The following IRAK1BP1 variants were observed in gnomAD, a reference collection of about 807,000 sequenced individuals.
The protein encoded by IRAK1BP1 is interleukin 1 receptor associated kinase 1 binding protein 1, also known as interleukin-1 receptor-associated kinase 1-binding protein 1.
IRAK1BP1 carries 24 observed loss-of-function variants against 28.0 expected under a neutral mutation model. The ratio of observed to expected loss-of-function variants is 0.86; its 90% CI spans 0.62 to 1.20. The LOEUF is 1.20. Ranked by LOEUF, IRAK1BP1 falls within the 50% of genes most tolerant of loss-of-function variation. The probability of loss-of-function intolerance (pLI) is 0.00; values close to 1 mark genes in which losing one functional copy is unlikely to be tolerated. For missense variants in IRAK1BP1, 336 were observed against 316.7 expected (o/e 1.06, Z -0.46); for synonymous variants, 131 against 116.3 (o/e 1.13, Z -0.81).
intron 4 of IRAK1BP1, chr6:78,940,842 G>T (rs1554193405): frequency 1.9e-6 from 3 of 1,613,818 alleles, no homozygotes; most frequent in Non-Finnish European, 1.7e-6. Context: ...GCTGTCCTTC[G>T]ACCTTGATTT....
chr6:78,902,449 A>T lies in IRAK1BP1; in HGVS notation c.*4115A>T, dbSNP rs1192829742. 6.5e-6 allele frequency: 1 copy of T among 153,256 alleles called. No individual in the cohort carries two copies. Among genetic ancestry groups the T allele is most frequent in the Non-Finnish European group, 1.5e-5 (1 of 68,772 alleles). 9.5% of individuals were successfully genotyped at this position (153,256 alleles called of 1,614,324 possible). A position where few individuals can be genotyped will look rare whatever the true frequency, so the allele number is the denominator to read the frequency against. ...ACCCAGCCCCAAATAGCTTCTACTC[A>T]TAACCTAGTGTGGCCTAAATTTATT... On this transcript the variant is annotated 3_prime_UTR_variant, in exon 4 of 4. Coordinates refer to ENST00000369940, the MANE Select transcript of IRAK1BP1 (RefSeq NM_001010844.4).
At chr6:78,927,483 G>T (rs1772921648) in intron 4 of IRAK1BP1, among the ~76,000 whole-genome samples, 1 of 152,008 alleles carries the variant, frequency 6.6e-6, no homozygotes, top group Non-Finnish European at 1.5e-5. Flanking sequence ...CCATTCTGTG[G>T]GTTGTCTCTT....
chr6:78,974,022 A>G, the IRAK1BP1 span, among the ~76,000 whole-genome samples: 6 of 152,198 alleles, frequency 3.9e-5, no homozygotes, highest in Non-Finnish European at 8.8e-5. Context: ...TGCACCAAGC[A>G]GACCTAATAG....
the IRAK1BP1 span, among the ~76,000 whole-genome samples, chr6:78,952,428 G>GAAAAAAAAAAAA: frequency 3.7e-4 from 21 of 56,432 alleles, no homozygotes; most frequent in East Asian, 1.0e-3. Context: ...AAAAAAAAAA[G>GAAAAAAAAAAAA]AAAAAAAAAA....
At chr6:78,946,584 G>T, downstream of IRAK1BP1, 1 of 1,412,346 alleles carries the variant, frequency 7.1e-7, no homozygotes. Flanking sequence ...CACATCATAG[G>T]AACTTGCATG....
intron 2 of IRAK1BP1, among the ~76,000 whole-genome samples, chr6:78,889,829 A>T (rs1771570894): frequency 6.6e-6 from 1 of 152,100 alleles, no homozygotes; most frequent in African/African-American, 2.4e-5. Flanking sequence ...GTGGGAGGGT[A>T]AATTAGTTCA....
rs536885699 is a variant in IRAK1BP1 at position 78,899,721 on chromosome 6, G to A, written c.*1387G>A. On this transcript the variant is annotated 3_prime_UTR_variant, in exon 4 of 4. Transcript: ENST00000369940. The stretch of plus-strand genomic sequence containing the variant: ...GCCTCCCAAGTAGCTGGGATTACAG[G>A]CGTGAGCCACTGCATCTGGCCCTGT... The A allele has an allele frequency of 1.1e-4, 16 of 152,244 alleles. No homozygotes were observed. The East Asian group carries it at 2.9e-3, about 28-fold the overall frequency. 9.4% of individuals were successfully genotyped at this position (152,244 alleles called of 1,614,324 possible). A position where few individuals can be genotyped will look rare whatever the true frequency, so the allele number is the denominator to read the frequency against.
chr6:78,922,622 C>T (rs1772769393), intron 4 of IRAK1BP1, among the ~76,000 whole-genome samples: 1 of 152,180 alleles, frequency 6.6e-6, no homozygotes, highest in Non-Finnish European at 1.5e-5. Flanking sequence ...ACATAATTGT[C>T]AGATTCACCA....
rs543631341 is a variant in IRAK1BP1, at chr6:78,942,202, G to T, written c.*68-3206G>T. On this transcript the variant is annotated intron_variant and NMD_transcript_variant, in intron 4 of 4. Transcript: ENST00000606868. Reference sequence around the variant, plus strand: ...TTTGTAAATAAGAAAATCATGGTTGGTCGGGTGCAGTGGCTCACGATTATA... The same window carrying T: ...TTTGTAAATAAGAAAATCATGGTTGTTCGGGTGCAGTGGCTCACGATTATA... 7.2e-5 allele frequency among the ~76,000 whole-genome samples: 11 copies of T among 152,346 alleles called. 1 individual carries two copies. The South Asian group carries it at 2.3e-3, about 32-fold the overall frequency.
In IRAK1BP1 at chr6:78,932,067, C is replaced by T. The variant is rs113737419; in HGVS notation, c.*68-13341C>T. 4.9e-4 allele frequency among the ~76,000 whole-genome samples: 75 copies of T among 152,300 alleles called. 1 individual carries two copies. The highest frequency in any genetic ancestry group is 1.7e-3 in the African/African-American group (70 of 41,554). ...AAGTAGATTTAATCCCAAGAAACTT[C>T]GCTCATCCATAAGAAGCAACTCCTT... On this transcript the variant is annotated intron_variant and NMD_transcript_variant, in intron 4 of 4. Transcript: ENST00000606868.
At chr6:78,931,568 C>T (rs981365170) in intron 4 of IRAK1BP1, among the ~76,000 whole-genome samples, 12 of 152,006 alleles carry the variant, frequency 7.9e-5, no homozygotes, top group African/African-American at 2.7e-4. Flanking sequence ...TGCAATAAAG[C>T]GAGTCACACA....
At chr6:78,941,450 T>C (rs940766266) in intron 4 of IRAK1BP1, 1 of 593,344 alleles carries the variant, frequency 1.7e-6, no homozygotes, top group Non-Finnish European at 2.8e-6. Context: ...AATTATTTTA[T>C]TAAAATGAGA....
At chr6:78,893,041 C>A in intron 2 of IRAK1BP1, among the ~76,000 whole-genome samples, 1 of 150,906 alleles carries the variant, frequency 6.6e-6, no homozygotes. Context: ...GAATTATAAA[C>A]CCATGGAGTC....
intron 1 of IRAK1BP1, among the ~76,000 whole-genome samples, chr6:78,873,641 GC>G (rs1770879626): frequency 6.6e-6 from 1 of 151,980 alleles, no homozygotes; most frequent in South Asian, 2.1e-4. Context: ...TCCATGCCCA[GC>G]TAATTTTTTA....
intron 4 of IRAK1BP1, among the ~76,000 whole-genome samples, chr6:78,929,134 C>G (rs939386969): frequency 1.3e-5 from 2 of 152,078 alleles, no homozygotes; most frequent in African/African-American, 4.8e-5. Context: ...GTGAAGCCAT[C>G]AGGTGTCAGG....
Position 78,901,288 on chromosome 6 carries a change from A to G in IRAK1BP1, c.*2954A>G, listed in dbSNP as rs1772087338. The G allele has an allele frequency of 6.6e-6, 1 of 152,012 alleles. No individual in the cohort carries two copies. The highest frequency in any genetic ancestry group is 2.1e-4 in the South Asian group (1 of 4,826). 9.4% of individuals were successfully genotyped at this position (152,012 alleles called of 1,614,324 possible). On this transcript the variant is annotated 3_prime_UTR_variant, in exon 4 of 4. Coordinates refer to ENST00000369940, the MANE Select transcript of IRAK1BP1 (RefSeq NM_001010844.4). ...AATCCTGTAAAGTATACAATCCTAC[A>G]TTTTTCTATAGAAGAGCTTAGGGAA...
intron 4 of IRAK1BP1, among the ~76,000 whole-genome samples, chr6:78,918,404 T>C (rs1052913565): frequency 6.6e-6 from 1 of 151,808 alleles, no homozygotes; most frequent in Non-Finnish European, 1.5e-5. Context: ...AGAGACAAGT[T>C]GAAGAAAAAA....
At position 78,892,768 on chromosome 6, in the gene IRAK1BP1, G is replaced by T. The variant is rs530278757; in HGVS notation, c.382-5061G>T. 1.8e-4 allele frequency among the ~76,000 whole-genome samples: 28 copies of T among 152,224 alleles called. No individual in the cohort carries two copies. The South Asian group carries it at 3.3e-3, about 18-fold the overall frequency. On this transcript the variant is annotated intron_variant, in intron 2 of 3. Transcript: ENST00000369940. ...TGAATTTCCAAAGATGAAAACTACA[G>T]TGTATGAGATAATAAATACACTGAA... is the stretch of plus-strand genomic sequence containing the variant.
intron 4 of IRAK1BP1, among the ~76,000 whole-genome samples, chr6:78,912,036 A>G (rs1033958667): frequency 6.6e-6 from 1 of 152,186 alleles, no homozygotes; most frequent in East Asian, 1.9e-4. Context: ...TACAGGAATC[A>G]TACTTGCCTT....
Sources: allele counts gnomAD v4.1 joint callset (sites outside exome capture counted in the v4.1 genomes callset), GRCh38; gene constraint gnomAD v4.1.1; transcripts MANE v1.5; gene names NCBI Gene and HGNC (gene_info 2026-07-23, HGNC 2026-07-21).